The following ZNF407 variants were observed in gnomAD, a reference collection of about 807,000 sequenced individuals.
ZNF407 encodes zinc finger protein 407.
A neutral mutation model predicts 131.2 loss-of-function variants in ZNF407; 17 were observed. The ratio of observed to expected loss-of-function variants is 0.13; its 90% CI spans 0.09 to 0.19. The LOEUF is 0.19. Among genes scored for constraint, ZNF407 ranks in the 10% least tolerant of loss-of-function variants. The pLI is 1.00. For synonymous variants in ZNF407, 1,156 were observed against 1,062.0 expected (o/e 1.09, Z -1.72); for missense variants, 2,681 against 2,830.6 (o/e 0.95, Z 1.20).
At chr18:74,761,843 C>G (rs1029289625) in intron 3 of ZNF407, among the ~76,000 whole-genome samples, 3 of 152,100 alleles carry the variant, frequency 2.0e-5, no homozygotes, top group Non-Finnish European at 2.9e-5. Flanking sequence ...ACCATGTAAA[C>G]AATACCAAAT....
rs77501635 is a variant in ZNF407, at chr18:75,049,970, G to A, written c.5429-13180G>A. Among the ~76,000 whole-genome samples the A allele has an allele frequency of 5.0e-3, 767 of 152,232 alleles. 8 individuals are homozygous for A. The highest frequency in any genetic ancestry group is 0.018 in the African/African-American group (734 of 41,540). On this transcript the variant is annotated intron_variant, in intron 8 of 8. Coordinates refer to ENST00000299687, the MANE Select transcript of ZNF407 (RefSeq NM_017757.3). Reference sequence around the variant, plus strand: ...TTGATCCTACCAGTGGCTAGAACTTGGAAGTCATTTTCTGTCATACTTTGG... The same window carrying A: ...TTGATCCTACCAGTGGCTAGAACTTAGAAGTCATTTTCTGTCATACTTTGG...
At chr18:74,786,642 G>C (rs1237661791) in intron 4 of ZNF407, among the ~76,000 whole-genome samples, 1 of 151,754 alleles carries the variant, frequency 6.6e-6, no homozygotes, top group African/African-American at 2.4e-5. Flanking sequence ...GGGGAAGGGG[G>C]TTATATTTCG....
intron 3 of ZNF407, among the ~76,000 whole-genome samples, chr18:74,759,945 C>T (rs1404317977): frequency 2.2e-4 from 13 of 58,238 alleles, no homozygotes; most frequent in Non-Finnish European, 2.1e-4. Flanking sequence ...GGTTACTTTA[C>T]ATGTCTCTCT....
chr18:74,810,410 A>G (rs1044203667), intron 4 of ZNF407, among the ~76,000 whole-genome samples: 3 of 151,646 alleles, frequency 2.0e-5, no homozygotes, highest in African/African-American at 7.3e-5. Context: ...ATGATCATGT[A>G]GGATTCTGCT....
At chr18:75,024,315 CTA>C (rs1973146453) in intron 8 of ZNF407, among the ~76,000 whole-genome samples, 1 of 152,126 alleles carries the variant, frequency 6.6e-6, no homozygotes, top group African/African-American at 2.4e-5. Flanking sequence ...CCTTTATCAT[CTA>C]TGTCTGTTGA....
intron 3 of ZNF407, among the ~76,000 whole-genome samples, chr18:74,686,183 C>T (rs1022794966): frequency 4.6e-5 from 7 of 152,170 alleles, no homozygotes; most frequent in Non-Finnish European, 8.8e-5. Flanking sequence ...CTTGGGTTCC[C>T]CTTTCCCTTT....
At chr18:74,936,365 T>C (rs1459392918) in intron 8 of ZNF407, among the ~76,000 whole-genome samples, 1 of 152,162 alleles carries the variant, frequency 6.6e-6, no homozygotes, top group African/African-American at 2.4e-5. Context: ...GCAGACAAAA[T>C]GGAATGTTTG....
At position 75,053,254 on chromosome 18, in the gene ZNF407, C is replaced by T. The variant is rs1192550914; in HGVS notation, c.5429-9896C>T. Reference sequence around the variant, plus strand: ...GCACCCAGGTCCCGCCTCACCCCGTCCTGTGCATTTCAGATGTGCACAGTG... The same window carrying T: ...GCACCCAGGTCCCGCCTCACCCCGTTCTGTGCATTTCAGATGTGCACAGTG... On this transcript the variant is annotated intron_variant, in intron 8 of 8. Transcript: ENST00000299687. Among the ~76,000 whole-genome samples the T allele has an allele frequency of 4.5e-4, 69 of 152,348 alleles. 2 individuals are homozygous for T. The highest frequency in any genetic ancestry group is 8.8e-5 in the Non-Finnish European group (6 of 68,032).
intron 3 of ZNF407, among the ~76,000 whole-genome samples, chr18:74,731,506 C>T (rs1968293608): frequency 6.6e-6 from 1 of 152,136 alleles, no homozygotes; most frequent in East Asian, 1.9e-4. Context: ...ATTTCTAAGC[C>T]TGTTGAGGTT....
intron 3 of ZNF407, among the ~76,000 whole-genome samples, chr18:74,714,642 A>T (rs951842652): frequency 6.6e-6 from 1 of 152,204 alleles, no homozygotes; most frequent in African/African-American, 2.4e-5. Flanking sequence ...AAATCAAAGA[A>T]TTTTTAAAAA....
intron 8 of ZNF407, among the ~76,000 whole-genome samples, chr18:74,948,529 C>T (rs930239972): frequency 5.9e-5 from 9 of 152,150 alleles, no homozygotes; most frequent in African/African-American, 2.2e-4. Flanking sequence ...GTTCTGAATT[C>T]TAATGCAGTA....
At chr18:74,852,198 C>T (rs989008913) in intron 4 of ZNF407, among the ~76,000 whole-genome samples, 96 of 68,514 alleles carry the variant, frequency 1.4e-3, no homozygotes, top group Non-Finnish European at 2.1e-3. Flanking sequence ...CACACACACA[C>T]GCACGCACGC....
At chr18:74,680,768 A>G (rs1966965187) in intron 3 of ZNF407, among the ~76,000 whole-genome samples, 1 of 152,086 alleles carries the variant, frequency 6.6e-6, no homozygotes, top group African/African-American at 2.4e-5. Context: ...CTTTCTTTTT[A>G]TTTCCAGAAC....
At chr18:74,932,670 A>C (rs1382931455) in intron 8 of ZNF407, among the ~76,000 whole-genome samples, 1 of 152,228 alleles carries the variant, frequency 6.6e-6, no homozygotes, top group Non-Finnish European at 1.5e-5. Context: ...TAAAATTATT[A>C]TTCTTCAATT....
chr18:74,980,700 G>A (rs1442571475), intron 8 of ZNF407, among the ~76,000 whole-genome samples: 2 of 152,146 alleles, frequency 1.3e-5, no homozygotes, highest in Non-Finnish European at 2.9e-5. Context: ...AACCTAAGAA[G>A]ATTCATTTGC....
At chr18:74,755,572 C>T (rs1428142584) in intron 3 of ZNF407, among the ~76,000 whole-genome samples, 3 of 48,634 alleles carry the variant, frequency 6.2e-5, no homozygotes. Flanking sequence ...TCCTTCCTTC[C>T]TCCTTTCTGG....
At chr18:74,598,123 C>T (rs891482538) in intron 1 of ZNF407, 186 bp downstream of exon 1, 3 of 139,958 alleles carry the variant, frequency 2.1e-5, no homozygotes, top group Non-Finnish European at 3.1e-5. Context: ...CGCCTTCCTT[C>T]CCGACACCCG....
intron 3 of ZNF407, among the ~76,000 whole-genome samples, chr18:74,689,967 A>G (rs192491984): frequency 3.9e-5 from 6 of 152,288 alleles, no homozygotes; most frequent in East Asian, 1.9e-4. Context: ...TGCAGGCAGT[A>G]TAGGAAAATG....
At position 74,739,401 on chromosome 18, in the gene ZNF407, G is replaced by A. The variant is rs1006646557; in HGVS notation, c.4803-42027G>A. ...TCCAGAGCTAGAAAGAGTACAGTGA[G>A]GCACATGCTTCTCTTGTCAGTAACT... On this transcript the variant is annotated intron_variant, in intron 3 of 8. Coordinates refer to ENST00000299687, the MANE Select transcript of ZNF407 (RefSeq NM_017757.3). Among the ~76,000 whole-genome samples, 20 of 151,904 alleles carry A rather than the reference G, an allele frequency of 1.3e-4. 1 individual carries two copies. The highest frequency in any genetic ancestry group is 4.8e-4 in the African/African-American group (20 of 41,414).
Sources: allele counts gnomAD v4.1 joint callset (sites outside exome capture counted in the v4.1 genomes callset), GRCh38; gene constraint gnomAD v4.1.1; transcripts MANE v1.5; gene names NCBI Gene and HGNC (gene_info 2026-07-23, HGNC 2026-07-21).